The following SASH1 variants were observed in gnomAD, a reference collection of about 807,000 sequenced individuals.
The protein encoded by SASH1 is SAM and SH3 domain-containing protein 1.
Under a neutral mutation model 125.2 loss-of-function variants are expected in SASH1, and 44 were observed. The observed-to-expected ratio is 0.35, with a 90% CI of 0.28 to 0.45. The LOEUF (loss-of-function observed/expected upper bound fraction) is 0.45, where lower values mean the gene tolerates loss of function less well. Ranked by LOEUF, SASH1 falls within the 20% of genes least tolerant of loss-of-function variation. SASH1 has a pLI of 1.00. For synonymous variants in SASH1, 639 were observed against 649.1 expected, an observed-to-expected ratio of 0.98 and a Z score of 0.24; for missense variants, 1,426 against 1,614.5, an observed-to-expected ratio of 0.88 and a Z score of 2.00.
intron 7 of SASH1, among the ~76,000 whole-genome samples, chr6:148,482,776 C>T (rs918898037): frequency 4.0e-5 from 6 of 150,476 alleles, no homozygotes; most frequent in East Asian, 1.9e-4. Flanking sequence ...GCAACCTCCA[C>T]CTCCCAGGTT....
chr6:148,417,694 T>G (rs1318076648), intron 2 of SASH1, among the ~76,000 whole-genome samples: 3 of 151,462 alleles, frequency 2.0e-5, no homozygotes, highest in Non-Finnish European at 4.4e-5. Flanking sequence ...TGACTTAATC[T>G]CTCCATGCCT....
intron 12 of SASH1, among the ~76,000 whole-genome samples, chr6:148,530,009 G>A (rs1231071267): frequency 2.0e-5 from 3 of 152,176 alleles, no homozygotes; most frequent in South Asian, 4.1e-4. Flanking sequence ...GTTTCACTAC[G>A]TTGGCCAGGC....
chr6:148,229,718 A>ATT, the SASH1 span, among the ~76,000 whole-genome samples: 1 of 125,306 alleles, frequency 8.0e-6, no homozygotes, highest in Admixed American at 8.5e-5. Flanking sequence ...ACGTCAGAGC[A>ATT]CTTTTTTTTT....
the SASH1 span, among the ~76,000 whole-genome samples, chr6:148,229,719 C>CTTTTTTTTTTTT: frequency 8.2e-6 from 1 of 121,416 alleles, no homozygotes; most frequent in African/African-American, 3.1e-5. Flanking sequence ...CGTCAGAGCA[C>CTTTTTTTTTTTT]TTTTTTTTTT....
At chr6:148,364,699 G>T (rs540576256) in intron 1 of SASH1, among the ~76,000 whole-genome samples, 42 of 152,160 alleles carry the variant, frequency 2.8e-4, no homozygotes, top group African/African-American at 9.7e-4. Flanking sequence ...GAAATGGGAA[G>T]AACACAAGGA....
chr6:148,272,432 T>C (rs1562299721), intron 1 of SASH1: 1 of 466,574 alleles, frequency 2.1e-6, no homozygotes, highest in East Asian at 7.0e-5. Flanking sequence ...CCTTCTGACA[T>C]TTAGACTGAT....
chr6:148,511,010 A>G (rs887191657), intron 8 of SASH1, among the ~76,000 whole-genome samples: 4 of 151,742 alleles, frequency 2.6e-5, no homozygotes, highest in African/African-American at 4.8e-5. Context: ...AAAAAAAAAA[A>G]AAAGAAAGAC....
chr6:148,368,121 T>C (rs761129680), intron 1 of SASH1, among the ~76,000 whole-genome samples: 3 of 152,172 alleles, frequency 2.0e-5, no homozygotes, highest in Non-Finnish European at 4.4e-5. Context: ...TTACTTTCTG[T>C]GGAAGGCCTC....
intron 1 of SASH1, among the ~76,000 whole-genome samples, chr6:148,356,443 A>T (rs1207768613): frequency 6.7e-6 from 1 of 149,368 alleles, no homozygotes; most frequent in African/African-American, 2.5e-5. Flanking sequence ...CTCTGGGTAG[A>T]TACCCCCAGG....
At chr6:148,324,799 C>T (rs1018617280) in intron 1 of SASH1, among the ~76,000 whole-genome samples, 2 of 152,088 alleles carry the variant, frequency 1.3e-5, no homozygotes, top group Non-Finnish European at 2.9e-5. Flanking sequence ...GCAGGATTTC[C>T]AGTGCTAAAA....
At chr6:148,406,357 G>A (rs925697553) in intron 2 of SASH1, among the ~76,000 whole-genome samples, 9 of 152,070 alleles carry the variant, frequency 5.9e-5, no homozygotes, top group African/African-American at 1.4e-4. Context: ...AAAAGAAGTC[G>A]TAGATAAAAG....
At position 148,495,893 on chromosome 6, in the gene SASH1, T is replaced by C. The variant is rs919966922; in HGVS notation, c.729+8178T>C. Among the ~76,000 whole-genome samples, 4 of 152,230 alleles carry C rather than the reference T, an allele frequency of 2.6e-5. No individual in the cohort carries two copies. Among genetic ancestry groups the C allele is most frequent in the Admixed American group, 6.5e-5 (1 of 15,286 alleles). ...TTCTGTCACCCAGGCTGGAGTGCAG[T>C]GGCACGATCTCGGCCCTCTGCAACC... is the stretch of plus-strand genomic sequence containing the variant. On this transcript the variant is annotated intron_variant, in intron 8 of 19. Transcript: ENST00000367467. This position sits in a 1 kb window ranked among gnomAD's most constrained non-coding sequence, Gnocchi z 4.0.
At chr6:148,305,300 T>C (rs1780094965) in intron 1 of SASH1, among the ~76,000 whole-genome samples, 1 of 152,140 alleles carries the variant, frequency 6.6e-6, no homozygotes, top group African/African-American at 2.4e-5. Flanking sequence ...GCTCTTGCTC[T>C]GTGGAAACCT....
chr6:148,262,242 T>C, the SASH1 span, among the ~76,000 whole-genome samples: 1 of 152,194 alleles, frequency 6.6e-6, no homozygotes, highest in Non-Finnish European at 1.5e-5. Context: ...CACTATTTAG[T>C]TCCTGTATAA....
At chr6:148,229,166 T>G in the SASH1 span, among the ~76,000 whole-genome samples, 1 of 137,900 alleles carries the variant, frequency 7.3e-6, no homozygotes, top group South Asian at 2.3e-4. Flanking sequence ...AACACTTAAC[T>G]GGCTAAAATG....
upstream of SASH1, among the ~76,000 whole-genome samples, chr6:148,267,612 T>G (rs946244602): frequency 6.6e-6 from 1 of 152,076 alleles, no homozygotes; most frequent in Non-Finnish European, 1.5e-5. Flanking sequence ...TCTCCTGACC[T>G]CATGATCTGC....
chr6:148,213,308 A>G, the SASH1 span, among the ~76,000 whole-genome samples: 1 of 152,128 alleles, frequency 6.6e-6, no homozygotes, highest in Non-Finnish European at 1.5e-5. Context: ...TTTTCACTCT[A>G]TTTCAGAGGC....
At chr6:148,272,622 T>C (rs1779089891) in intron 1 of SASH1, among the ~76,000 whole-genome samples, 1 of 152,188 alleles carries the variant, frequency 6.6e-6, no homozygotes, top group African/African-American at 2.4e-5. Flanking sequence ...AAGATATATT[T>C]ATATAATTAT....
chr6:148,302,572 A>G (rs1294487263), intron 1 of SASH1, among the ~76,000 whole-genome samples: 2 of 136,696 alleles, frequency 1.5e-5, no homozygotes, highest in Non-Finnish European at 3.1e-5. Flanking sequence ...AAATATCTCC[A>G]TGCTGCAGAA....
Sources: gnomAD v4.1 joint callset for allele counts (sites outside exome capture counted in the v4.1 genomes callset) on GRCh38, gnomAD v4.1.1 for gene constraint, Gnocchi (gnomAD v3.1) non-coding constraint, MANE v1.5 for transcripts, NCBI Gene and HGNC (gene_info 2026-07-23, HGNC 2026-07-21) for gene names.